BICD1: variants seen among roughly 807,000 people sequenced by gnomAD.
BICD1 encodes protein bicaudal D homolog 1.
Under a neutral mutation model 92.5 loss-of-function variants are expected in BICD1, and 35 were observed. That is an observed-to-expected ratio of 0.38 (90% CI 0.29 to 0.50). BICD1 has a LOEUF of 0.50. BICD1 is among the 20% of genes least tolerant of loss of function. The pLI is 0.93. For missense variants in BICD1, 950 were observed against 1,189.8 expected, an observed-to-expected ratio of 0.80 and a Z score of 2.97; for synonymous variants, 429 against 465.1, an observed-to-expected ratio of 0.92 and a Z score of 1.00.
At chr12:32,308,000 T>C (rs184962383) in intron 4 of BICD1, among the ~76,000 whole-genome samples, 75 of 152,358 alleles carry the variant, frequency 4.9e-4, no homozygotes, top group Non-Finnish European at 9.3e-4. Context: ...CTTCTATGCA[T>C]GAAACAGCAC....
intron 1 of BICD1, among the ~76,000 whole-genome samples, chr12:32,119,500 G>C (rs1364677919): frequency 6.6e-6 from 1 of 152,214 alleles, no homozygotes; most frequent in African/African-American, 2.4e-5. Flanking sequence ...CCTTAGAGAT[G>C]CAGCCAGGGT....
intron 1 of BICD1, 152 bp from the exon 2 acceptor site, chr12:32,216,095 A>C (rs1327209911): frequency 5.6e-6 from 3 of 539,928 alleles, no homozygotes; most frequent in Non-Finnish European, 9.3e-6. Context: ...TATTTCAAGC[A>C]TCAGTGAGAG....
At chr12:32,277,693 T>A (rs792863) in intron 2 of BICD1, among the ~76,000 whole-genome samples, 88,597 of 152,024 alleles carry the variant, frequency 0.58, 26,209 homozygotes, top group South Asian at 0.71. Flanking sequence ...ATTGCTAATA[T>A]CTCTCAGTCC....
chr12:32,344,396 G>A (rs1441188646), intron 8 of BICD1, among the ~76,000 whole-genome samples: 3 of 108,166 alleles, frequency 2.8e-5, no homozygotes, highest in Non-Finnish European at 1.9e-5. Flanking sequence ...CCAGGTTAGT[G>A]AGAGCAGACT....
At chr12:32,124,610 G>A (rs1942264384) in intron 1 of BICD1, among the ~76,000 whole-genome samples, 1 of 152,212 alleles carries the variant, frequency 6.6e-6, no homozygotes, top group Non-Finnish European at 1.5e-5. Context: ...CTCGATAGGA[G>A]TGGAGGGTAG....
At chr12:32,333,541 G>A (rs993560664) in intron 5 of BICD1, among the ~76,000 whole-genome samples, 2 of 150,456 alleles carry the variant, frequency 1.3e-5, no homozygotes, top group African/African-American at 5.0e-5. Context: ...AGTCTTCCTG[G>A]GAAATCCCGT....
At chr12:32,121,282 C>T (rs777311347) in intron 1 of BICD1, among the ~76,000 whole-genome samples, 1 of 135,566 alleles carries the variant, frequency 7.4e-6, no homozygotes, top group Non-Finnish European at 1.6e-5. Flanking sequence ...TTTAAAAATT[C>T]ATACCAGATC....
At chr12:32,264,834 A>G (rs1192171456) in intron 2 of BICD1, among the ~76,000 whole-genome samples, 1 of 152,156 alleles carries the variant, frequency 6.6e-6, no homozygotes, top group Non-Finnish European at 1.5e-5. Flanking sequence ...AATTATTACC[A>G]GTGTGAAATT....
At chr12:32,140,153 A>AT (rs961519183) in intron 1 of BICD1, among the ~76,000 whole-genome samples, 3 of 151,654 alleles carry the variant, frequency 2.0e-5, no homozygotes, top group East Asian at 1.9e-4. Flanking sequence ...GGAGTGGATA[A>AT]TTTTTTTTTC....
chr12:32,253,057 A>AT (rs1265155841), intron 2 of BICD1, among the ~76,000 whole-genome samples: 3 of 151,802 alleles, frequency 2.0e-5, no homozygotes, highest in East Asian at 1.9e-4. Flanking sequence ...TAATTTTTGC[A>AT]TTTTTTGTAG....
At chr12:32,284,740 T>A (rs1947517285) in intron 2 of BICD1, among the ~76,000 whole-genome samples, 2 of 152,292 alleles carry the variant, frequency 1.3e-5, no homozygotes, top group East Asian at 1.9e-4. Context: ...AAAGTAGAAT[T>A]TCCTGCGGAA....
At chr12:32,277,727 C>T (rs1367874469) in intron 2 of BICD1, among the ~76,000 whole-genome samples, 3 of 152,178 alleles carry the variant, frequency 2.0e-5, no homozygotes, top group Non-Finnish European at 4.4e-5. Flanking sequence ...CTTTTAGTCC[C>T]TTGATTTGCA....
At chr12:32,352,174 T>C (rs564160045) in intron 8 of BICD1, among the ~76,000 whole-genome samples, 142 of 151,106 alleles carry the variant, frequency 9.4e-4, no homozygotes, top group Non-Finnish European at 1.5e-3. Flanking sequence ...CTCTGCACTC[T>C]AGCCTGGGTG....
intron 3 of BICD1, among the ~76,000 whole-genome samples, chr12:32,299,132 T>A (rs1428108084): frequency 2.0e-5 from 3 of 152,190 alleles, no homozygotes; most frequent in Non-Finnish European, 4.4e-5. Flanking sequence ...TTAGAGTTCC[T>A]AAGCTCTGAA....
At chr12:32,223,400 C>T (rs1945592076) in intron 2 of BICD1, among the ~76,000 whole-genome samples, 1 of 152,076 alleles carries the variant, frequency 6.6e-6, no homozygotes, top group Admixed American at 6.6e-5. Flanking sequence ...TGCCCGTAGT[C>T]CCAGCTACTC....
chr12:32,313,810 T>C lies in BICD1; in HGVS notation c.1005+7688T>C, dbSNP rs1592657844. Among the ~76,000 whole-genome samples, 1 of 152,218 alleles carries C rather than the reference T, an allele frequency of 6.6e-6. No homozygotes were observed. The highest frequency in any genetic ancestry group is 1.9e-4 in the East Asian group (1 of 5,168). ...GGGCCACATGGCAAAACCCCATCTC[T>C]ACCAAAAATACCCAGAAAAAATTAG... On this transcript the variant is annotated intron_variant, in intron 4 of 9. Coordinates refer to ENST00000652176, the MANE Select transcript of BICD1 (RefSeq NM_001714.4). This position sits in a 1 kb window ranked among gnomAD's most constrained non-coding sequence, Gnocchi z 4.2.
intron 2 of BICD1, among the ~76,000 whole-genome samples, chr12:32,254,864 G>T (rs1467538211): frequency 1.3e-5 from 2 of 152,148 alleles, no homozygotes. Flanking sequence ...TTCTCCCTGA[G>T]CTCGAGAGGC....
chr12:32,138,088 C>T (rs958356248), intron 1 of BICD1, among the ~76,000 whole-genome samples: 4 of 152,130 alleles, frequency 2.6e-5, no homozygotes, highest in African/African-American at 4.8e-5. Flanking sequence ...CGTGAGCCAC[C>T]GTGCCTGGCC....
intron 1 of BICD1, among the ~76,000 whole-genome samples, chr12:32,164,969 C>T (rs1475730915): frequency 1.3e-5 from 2 of 152,148 alleles, no homozygotes; most frequent in African/African-American, 4.8e-5. Flanking sequence ...CATGCCCGTG[C>T]CTGACACTGC....
Sources: allele counts gnomAD v4.1 joint callset (sites outside exome capture counted in the v4.1 genomes callset), GRCh38; gene constraint gnomAD v4.1.1; non-coding constraint Gnocchi (gnomAD v3.1); transcripts MANE v1.5; gene names NCBI Gene and HGNC (gene_info 2026-07-23, HGNC 2026-07-21).